RAB9A: variants seen among roughly 807,000 people sequenced by gnomAD.
RAB9A encodes RAB9A, member RAS oncogene family.
In RAB9A, 1 loss-of-function variant was observed where a neutral mutation model predicts 10.3. The observed-to-expected ratio is 0.10, with a 90% CI of 0.03 to 0.46. The LOEUF is 0.46. Among genes scored for constraint, RAB9A ranks in the 20% least tolerant of loss-of-function variants. The pLI is 0.96. For synonymous variants in RAB9A, 39 were observed against 55.2 expected (o/e 0.71, Z 1.30); for missense variants, 92 against 150.3 (o/e 0.61, Z 2.03).
chrX:13,691,317 A>G (rs996784582), intron 1 of RAB9A, among the ~76,000 whole-genome samples: 10 of 111,293 alleles, frequency 9.0e-5, no homozygotes, highest in African/African-American at 2.9e-4. Flanking sequence ...TCATTTTAAC[A>G]GTGAGCAGGG....
At chrX:13,689,704 G>C (rs1209273509) in intron 1 of RAB9A, among the ~76,000 whole-genome samples, 5 of 111,414 alleles carry the variant, frequency 4.5e-5, no homozygotes, top group African/African-American at 1.6e-4. Flanking sequence ...GAAAACAAAG[G>C]CGCTCCCATG....
At chrX:13,706,010 T>G (rs1181057692) in intron 2 of RAB9A, among the ~76,000 whole-genome samples, 2 of 111,958 alleles carry the variant, frequency 1.8e-5, no homozygotes, top group Non-Finnish European at 3.8e-5. Flanking sequence ...AGGGGCCAGG[T>G]GTCTTGCCTT....
In RAB9A at chrX:13,708,863, A is replaced by G. The variant is rs1450773184; in HGVS notation, c.117A>G (p.Thr39=). 1.7e-6 allele frequency: 2 copies of G among 1,207,994 alleles called. No homozygotes were observed. Among genetic ancestry groups the G allele is most frequent in the Non-Finnish European group, 2.2e-6 (2 of 893,699 alleles). Residue 39 remains threonine (T), a synonymous_variant, in exon 3 of 3, where the codon ACA becomes ACG. Transcript: ENST00000464506. ...TNKFDTQLFH[T]IGVEFLNKDL... is the part of the protein sequence containing the mutation. ...AGTTTGATACCCAGCTCTTCCATACAATAGGTGTGGAATTTTTAAATAAAG... is the reference window on the plus strand; with the variant it reads ...AGTTTGATACCCAGCTCTTCCATACGATAGGTGTGGAATTTTTAAATAAAG...
intron 2 of RAB9A, among the ~76,000 whole-genome samples, chrX:13,705,864 G>T (rs2046195163): frequency 9.0e-6 from 1 of 111,392 alleles, no homozygotes; most frequent in South Asian, 3.8e-4. Flanking sequence ...AGCAGCATAT[G>T]CCAGGGTGGA....
rs1413073820 is a variant in RAB9A at position 13,689,831 on chromosome X, T to C, written c.-116+543T>C. On this transcript the variant is annotated intron_variant, in intron 1 of 2. Coordinates refer to ENST00000464506, the MANE Select transcript of RAB9A (RefSeq NM_004251.5). ...GCCAATCTTAGAGGCTGCAGGCGTTTTGGGGGCATTATCTGATTCAGACGC... is the reference window on the plus strand; with the variant it reads ...GCCAATCTTAGAGGCTGCAGGCGTTCTGGGGGCATTATCTGATTCAGACGC... Among the ~76,000 whole-genome samples the C allele has an allele frequency of 6.2e-5, 7 of 112,141 alleles. No individual in the cohort carries two copies. In the East Asian group the frequency reaches 1.9e-3, roughly 31 times the overall value.
At chrX:13,697,205 G>A (rs1326776753) in intron 1 of RAB9A, among the ~76,000 whole-genome samples, 2 of 111,659 alleles carry the variant, frequency 1.8e-5, no homozygotes, top group Non-Finnish European at 3.8e-5. Flanking sequence ...GTTTCTTATC[G>A]AACTGGAAGG....
intron 1 of RAB9A, among the ~76,000 whole-genome samples, chrX:13,696,263 A>T (rs1256889641): frequency 1.0e-4 from 10 of 100,431 alleles, no homozygotes; most frequent in African/African-American, 2.2e-4. Flanking sequence ...AAAAAAAATT[A>T]AAAAAAAAAT....
rs142279427 is a variant in RAB9A, at chrX:13,700,602, G to A, written c.-115-3212G>A. 6.7e-3 allele frequency among the ~76,000 whole-genome samples: 750 copies of A among 111,405 alleles called. 9 individuals are homozygous for A. Among genetic ancestry groups the A allele is most frequent in the African/African-American group, 0.022 (685 of 30,589 alleles). ...ATACAGCATATGTTGGTACCGGCAC[G>A]TGGTGTGGGAATCCTAAAGTAGTGT... On this transcript the variant is annotated intron_variant, in intron 1 of 2. Coordinates refer to ENST00000464506, the MANE Select transcript of RAB9A (RefSeq NM_004251.5).
chrX:13,709,062 A>G lies in RAB9A; in HGVS notation c.316A>G (p.Ile106Val), dbSNP rs762339968. The G allele has an allele frequency of 8.3e-7, 1 of 1,211,567 alleles. No individual in the cohort carries two copies. Among genetic ancestry groups the G allele is most frequent in the South Asian group, 1.8e-5 (1 of 56,971 alleles). ...CTTAAGTAACTGGAAGAAAGAATTC[A>G]TATATTATGCAGATGTGAAAGAGCC... is the stretch of plus-strand genomic sequence containing the variant. Reference protein sequence around the residue: ...QNLSNWKKEFIYYADVKEPES... With the variant: ...QNLSNWKKEFVYYADVKEPES... The change falls in exon 3 of 3, where the codon ATA (isoleucine) becomes GTA (valine). Residue 106 changes from isoleucine to valine, a missense_variant. Physicochemically the swap from Ile to Val is conservative, Grantham distance 29. Coordinates refer to ENST00000464506, the MANE Select transcript of RAB9A (RefSeq NM_004251.5).
rs1432860467 is a variant in RAB9A, at chrX:13,698,214, G to T, written c.-115-5600G>T. ...TCTTTTTTTTTTTTTTTTTTTTTTT[G>T]GCCCTTCTCACTTCCTCCTTTCCCA... On this transcript the variant is annotated intron_variant, in intron 1 of 2. Coordinates refer to ENST00000464506, the MANE Select transcript of RAB9A (RefSeq NM_004251.5). 1.8e-3 allele frequency among the ~76,000 whole-genome samples: 81 copies of T among 45,916 alleles called. 1 individual carries two copies. The highest frequency in any genetic ancestry group is 6.1e-3 in the African/African-American group (69 of 11,350). The allele number at this position is 45,916 out of a possible 115,157, so 39.9% of individuals were successfully genotyped here.
chrX:13,690,382 G>A (rs757883295), intron 1 of RAB9A, among the ~76,000 whole-genome samples: 1 of 112,103 alleles, frequency 8.9e-6, no homozygotes, highest in Non-Finnish European at 1.9e-5. Flanking sequence ...GGTGCTTTTA[G>A]TATTTTTGTG....
intron 1 of RAB9A, among the ~76,000 whole-genome samples, chrX:13,701,211 C>T (rs2046172247): frequency 9.1e-6 from 1 of 109,605 alleles, no homozygotes; most frequent in Non-Finnish European, 1.9e-5. Context: ...AGTCCCTCCT[C>T]CTTTACCTGC....
intron 2 of RAB9A, among the ~76,000 whole-genome samples, chrX:13,705,163 G>A (rs1294781489): frequency 8.9e-6 from 1 of 111,946 alleles, no homozygotes; most frequent in Non-Finnish European, 1.9e-5. Context: ...GCTGATTGTG[G>A]TTATATTAAT....
chrX:13,705,797 G>T (rs2046194692), intron 2 of RAB9A, among the ~76,000 whole-genome samples: 1 of 23,348 alleles, frequency 4.3e-5, no homozygotes, highest in African/African-American at 1.4e-4. Context: ...CAGTGGAGGT[G>T]ACCATGCTAA....
Position 13,708,960 on chromosome X carries a change from C to T in RAB9A, c.214C>T (p.Leu72=), listed in dbSNP as rs747586169. The T allele has an allele frequency of 9.1e-6, 11 of 1,211,685 alleles. No individual in the cohort carries two copies. The highest frequency in any genetic ancestry group is 4.3e-5 in the Admixed American group (2 of 46,016). The change falls in exon 3 of 3, where the codon CTG becomes TTG. Residue 72 remains leucine, a synonymous_variant. Transcript: ENST00000464506. Reference sequence around the variant, plus strand: ...GGCAGGTCAGGAGCGATTCCGAAGCCTGAGGACACCATTTTACAGAGGTTC... The same window carrying T: ...GGCAGGTCAGGAGCGATTCCGAAGCTTGAGGACACCATTTTACAGAGGTTC... ...DTAGQERFRS[L]RTPFYRGSDC...
intron 1 of RAB9A, among the ~76,000 whole-genome samples, chrX:13,700,211 A>G (rs1265363230): frequency 9.0e-6 from 1 of 111,655 alleles, no homozygotes; most frequent in Non-Finnish European, 1.9e-5. Flanking sequence ...CGGCTTCCCA[A>G]AGTGCTGGGA....
At chrX:13,689,895 A>G (rs1316532844) in intron 1 of RAB9A, among the ~76,000 whole-genome samples, 1 of 111,700 alleles carries the variant, frequency 9.0e-6, no homozygotes, top group East Asian at 2.8e-4. Flanking sequence ...TTTTTCTTCC[A>G]ACTTGGTAAG....
rs1357133123 is a variant in RAB9A at position 13,694,176 on chromosome X, G to GA, written c.-116+4898dup. On this transcript the variant is annotated intron_variant, in intron 1 of 2. Coordinates refer to ENST00000464506, the MANE Select transcript of RAB9A (RefSeq NM_004251.5). ...TGTTCTCAGAGTTAGAAAAACCTGG[G>GA]AAAAAAAAAAGCCTTACAGACCTCT... 2.3e-3 allele frequency among the ~76,000 whole-genome samples: 242 copies of GA among 107,508 alleles called. 1 individual carries two copies. The highest frequency in any genetic ancestry group is 7.5e-3 in the African/African-American group (222 of 29,647). 93.4% of individuals were successfully genotyped at this position (107,508 alleles called of 115,157 possible).
At chrX:13,708,666 ATGTAGAAGAATG>A in intron 2 of RAB9A, 43 bp from the exon 3 acceptor site, 1 of 1,014,699 alleles carries the variant, frequency 9.9e-7, no homozygotes, top group Non-Finnish European at 1.3e-6. Flanking sequence ...TCGTAGAATC[ATGTAGAAGAATG>A]TGTAGGTATA....
Sources: gnomAD v4.1 joint callset for allele counts (sites outside exome capture counted in the v4.1 genomes callset) on GRCh38, gnomAD v4.1.1 for gene constraint, MANE v1.5 for transcripts, NCBI Gene and HGNC (gene_info 2026-07-23, HGNC 2026-07-21) for gene names.